The following GOLM1 variants were observed in gnomAD, a reference collection of about 807,000 sequenced individuals.
GOLM1 encodes the protein golgi membrane protein 1.
In GOLM1, 31 loss-of-function variants were observed where a neutral mutation model predicts 50.5. The observed-to-expected ratio is 0.61, with a 90% CI of 0.46 to 0.83. The LOEUF (loss-of-function observed/expected upper bound fraction) is 0.83. Among genes scored for constraint, GOLM1 ranks in the 40% least tolerant of loss-of-function variants. The pLI is 0.00. For missense variants in GOLM1, 491 were observed against 501.3 expected, an observed-to-expected ratio of 0.98 and a Z score of 0.20; for synonymous variants, 178 against 192.8, an observed-to-expected ratio of 0.92 and a Z score of 0.64.
chr9:86,076,263 T>C (rs1220713616), intron 3 of GOLM1, among the ~76,000 whole-genome samples: 1 of 151,008 alleles, frequency 6.6e-6, no homozygotes, highest in Non-Finnish European at 1.5e-5. Context: ...TACTAAAAAA[T>C]ACAAAAAATT....
At position 86,026,741 on chromosome 9, in the gene GOLM1, T is replaced by A; in HGVS notation, c.*1076A>T. 4.1e-6 allele frequency: 4 copies of A among 983,082 alleles called. No homozygotes were observed. The highest frequency in any genetic ancestry group is 4.8e-6 in the Non-Finnish European group (4 of 827,790). 60.9% of individuals were successfully genotyped at this position (983,082 alleles called of 1,614,324 possible). The stretch of plus-strand genomic sequence containing the variant: ...ACCTTAATGCCATTGTTATTGTGAA[T>A]TAGGATTAAGTAGTAATTTTCAAAA... On this transcript the variant is annotated 3_prime_UTR_variant, in exon 10 of 10. Transcript: ENST00000388712.
intron 1 of GOLM1, among the ~76,000 whole-genome samples, chr9:86,089,402 T>C (rs1009663211): frequency 6.6e-6 from 1 of 152,138 alleles, no homozygotes; most frequent in African/African-American, 2.4e-5. Flanking sequence ...CAATCAAACA[T>C]AGGTTTGGTC....
At chr9:86,074,175 T>G (rs1834535625) in intron 3 of GOLM1, among the ~76,000 whole-genome samples, 1 of 151,254 alleles carries the variant, frequency 6.6e-6, no homozygotes, top group Non-Finnish European at 1.5e-5. Context: ...CATGGTTCTT[T>G]AAAATTTTTT....
At chr9:86,074,629 G>A (rs916179530) in intron 3 of GOLM1, among the ~76,000 whole-genome samples, 1 of 152,224 alleles carries the variant, frequency 6.6e-6, no homozygotes, top group Non-Finnish European at 1.5e-5. Flanking sequence ...TGTCATCCTG[G>A]TGACAGCTGC....
chr9:86,062,474 GGGAGGACGGGGGAGGAGGGAGGAAGA>G (rs1461701325), intron 3 of GOLM1, among the ~76,000 whole-genome samples: 1 of 151,368 alleles, frequency 6.6e-6, no homozygotes, highest in Non-Finnish European at 1.5e-5. Flanking sequence ...ACAGAGGGAA[GGGAGGACGGGGGAGGAGGGAGGAAGA>G]GGAGGAGGGA....
At chr9:86,040,121 C>T (rs765867109) in intron 6 of GOLM1, among the ~76,000 whole-genome samples, 8 of 152,022 alleles carry the variant, frequency 5.3e-5, no homozygotes, top group African/African-American at 9.7e-5. Context: ...AAGGGATACA[C>T]GGTTTCTTTT....
intron 3 of GOLM1, among the ~76,000 whole-genome samples, chr9:86,062,986 T>C (rs967460988): frequency 1.3e-5 from 2 of 152,172 alleles, no homozygotes; most frequent in African/African-American, 4.8e-5. Context: ...TGGCTGCCCC[T>C]GAAGCAGCTC....
chr9:86,053,950 G>C (rs1833908954), intron 3 of GOLM1, among the ~76,000 whole-genome samples: 1 of 151,924 alleles, frequency 6.6e-6, no homozygotes, highest in Non-Finnish European at 1.5e-5. Flanking sequence ...CAAATTCCAG[G>C]CTGACTAAAA....
chr9:86,039,993 C>T (rs1410573887), intron 6 of GOLM1, among the ~76,000 whole-genome samples: 1 of 149,842 alleles, frequency 6.7e-6, no homozygotes, highest in African/African-American at 2.5e-5. Context: ...AAGTCAGACA[C>T]AAAAGGCCAC....
intron 4 of GOLM1, 24 bp from the exon 5 acceptor site, chr9:86,046,596 G>A (rs749068693): frequency 7.0e-7 from 1 of 1,435,302 alleles, no homozygotes; most frequent in Admixed American, 1.8e-5. Context: ...ACAAGGAATT[G>A]CACAGGTCAC....
At chr9:86,078,182 T>C (rs1000401782) in intron 2 of GOLM1, among the ~76,000 whole-genome samples, 5 of 152,128 alleles carry the variant, frequency 3.3e-5, no homozygotes, top group African/African-American at 1.2e-4. Flanking sequence ...TCTGACCCCC[T>C]GTGAAATGAG....
intron 3 of GOLM1, among the ~76,000 whole-genome samples, chr9:86,069,019 G>A (rs896420806): frequency 6.6e-6 from 1 of 151,746 alleles, no homozygotes; most frequent in Non-Finnish European, 1.5e-5. Flanking sequence ...ATGGCTAAAC[G>A]TTTTATCATT....
At chr9:86,099,314 C>T (rs1001599168) in intron 1 of GOLM1, 97 bp downstream of exon 1, 2 of 152,322 alleles carry the variant, frequency 1.3e-5, no homozygotes, top group African/African-American at 2.4e-5. Context: ...GGGACCGACG[C>T]GAGGTCTCGG....
Position 86,052,569 on chromosome 9 carries a change from G to T in GOLM1, c.332C>A (p.Thr111Asn), listed in dbSNP as rs369994905. The change falls in exon 4 of 10, where the codon ACC (threonine) becomes AAC (asparagine). Residue 111 changes from threonine (T) to asparagine (N), a missense_variant. Transcript: ENST00000388712. ...CACTCGGATGAGCCTCTCACCTGTGGTGATGTTATTCACCAAAACCGCCTG... is the reference window on the plus strand; with the variant it reads ...CACTCGGATGAGCCTCTCACCTGTGTTGATGTTATTCACCAAAACCGCCTG... ...DEKAVLVNNI[T>N]TGERLIRVLQ... is the part of the protein sequence containing the mutation. 6.2e-7 allele frequency: 1 copy of T among 1,613,776 alleles called. No individual in the cohort carries two copies. The highest frequency in any genetic ancestry group is 2.2e-5 in the East Asian group (1 of 44,874).
At chr9:86,074,129 C>T (rs1167155581) in intron 3 of GOLM1, among the ~76,000 whole-genome samples, 1 of 151,810 alleles carries the variant, frequency 6.6e-6, no homozygotes, top group Non-Finnish European at 1.5e-5. Context: ...AGCCACAGGT[C>T]CCCACACCCC....
rs1338033477 is a variant in GOLM1, at chr9:86,036,340, C to CT, written c.757+7dup. ...CTGGGAACAGGGCAACTGCTGGGCT[C>CT]TGCTTACCTTTCTCAACTTGTCTCT... On this transcript the variant is annotated splice_region_variant and intron_variant, in intron 7 of 9. Coordinates refer to ENST00000388712, the MANE Select transcript of GOLM1 (RefSeq NM_016548.4). 1 of 1,614,086 alleles carries CT rather than the reference C, an allele frequency of 6.2e-7. No individual in the cohort carries two copies. The highest frequency in any genetic ancestry group is 8.5e-7 in the Non-Finnish European group (1 of 1,180,012).
intron 5 of GOLM1, among the ~76,000 whole-genome samples, chr9:86,044,750 G>A (rs1425654995): frequency 6.6e-6 from 1 of 152,034 alleles, no homozygotes; most frequent in African/African-American, 2.4e-5. Flanking sequence ...TCAGGTGTGC[G>A]AGACCAGCCT....
intron 5 of GOLM1, among the ~76,000 whole-genome samples, chr9:86,042,692 G>A (rs902593726): frequency 6.6e-6 from 1 of 152,202 alleles, no homozygotes; most frequent in African/African-American, 2.4e-5. Flanking sequence ...TAAATGAGCA[G>A]GTCGTTTGCT....
Position 86,027,456 on chromosome 9 carries a change from G to A in GOLM1, c.*361C>T. 1 of 1,042,680 alleles carries A rather than the reference G, an allele frequency of 9.6e-7. No individual in the cohort carries two copies. The highest frequency in any genetic ancestry group is 3.6e-5 in the South Asian group (1 of 28,014). 64.6% of individuals were successfully genotyped at this position (1,042,680 alleles called of 1,614,324 possible). A position where few individuals can be genotyped will look rare whatever the true frequency, so the allele number is the denominator to read the frequency against. ...AGTTCTCTGTCTCTCCTTCACAGCA[G>A]ATGGACTCTTCTATAGGTGGCTGTT... On this transcript the variant is annotated 3_prime_UTR_variant, in exon 10 of 10. Transcript: ENST00000388712.
Sources: allele counts gnomAD v4.1 joint callset (sites outside exome capture counted in the v4.1 genomes callset), GRCh38; gene constraint gnomAD v4.1.1; transcripts MANE v1.5; gene names NCBI Gene and HGNC (gene_info 2026-07-23, HGNC 2026-07-21).